AFAP1: variants seen among roughly 807,000 people sequenced by gnomAD.
AFAP1 encodes actin filament-associated protein 1.
Under a neutral mutation model 93.9 loss-of-function variants are expected in AFAP1, and 75 were observed. The ratio of observed to expected loss-of-function variants is 0.80; its 90% CI spans 0.66 to 0.97. AFAP1 has a LOEUF of 0.97. Among genes scored for constraint, AFAP1 ranks in the 50% least tolerant of loss-of-function variants. AFAP1 has a pLI of 0.00. For synonymous variants in AFAP1, 517 were observed against 430.7 expected, an observed-to-expected ratio of 1.20 and a Z score of -2.48; for missense variants, 1,201 against 1,050.8, an observed-to-expected ratio of 1.14 and a Z score of -1.98.
intron 8 of AFAP1, among the ~76,000 whole-genome samples, chr4:7,812,882 C>A (rs1025688286): frequency 9.2e-5 from 14 of 152,284 alleles, no homozygotes; most frequent in Non-Finnish European, 1.6e-4. Flanking sequence ...CCAACAGACA[C>A]ATTCACAAAT....
intron 3 of AFAP1, among the ~76,000 whole-genome samples, chr4:7,863,842 G>A (rs994267037): frequency 2.6e-5 from 4 of 152,204 alleles, no homozygotes; most frequent in African/African-American, 9.7e-5. Flanking sequence ...CCACAAAAGA[G>A]GTAAAAATAA....
In AFAP1 at chr4:7,816,105, A is replaced by G. The variant is rs766242443; in HGVS notation, c.823-6T>C. Reference sequence around the variant, plus strand: ...GGTCTCTCTGAAGACAGTTTCTGTAAGGAGAAAAAGATTAAGTTATTCTTA... The same window carrying G: ...GGTCTCTCTGAAGACAGTTTCTGTAGGGAGAAAAAGATTAAGTTATTCTTA... On this transcript the variant is annotated splice_polypyrimidine_tract_variant and splice_region_variant and intron_variant, in intron 7 of 17. Coordinates refer to ENST00000420658, the MANE Select transcript of AFAP1 (RefSeq NM_001134647.2). 3 of 1,607,798 alleles carry G rather than the reference A, an allele frequency of 1.9e-6. No homozygotes were observed. The African/African-American group carries it at 4.0e-5, about 22-fold the overall frequency.
intron 11 of AFAP1, among the ~76,000 whole-genome samples, chr4:7,787,686 G>C (rs1242337637): frequency 6.6e-6 from 1 of 152,174 alleles, no homozygotes; most frequent in Non-Finnish European, 1.5e-5. Context: ...TGTGGTGAGG[G>C]AACGGCTCAC....
chr4:7,874,662 C>T (rs1294785679), intron 1 of AFAP1, among the ~76,000 whole-genome samples: 1 of 147,740 alleles, frequency 6.8e-6, no homozygotes, highest in African/African-American at 2.5e-5. Context: ...GGATTACAGG[C>T]ATGAGCCACC....
intron 17 of AFAP1, among the ~76,000 whole-genome samples, chr4:7,765,212 C>G (rs62291982): frequency 0.22 from 33,125 of 152,098 alleles, 4,673 homozygotes; most frequent in Non-Finnish European, 0.32. Flanking sequence ...GGCCTCCCAT[C>G]TCCACTCTGC....
intron 6 of AFAP1, among the ~76,000 whole-genome samples, chr4:7,823,320 A>G (rs1420746191): frequency 6.6e-6 from 1 of 152,238 alleles, no homozygotes; most frequent in African/African-American, 2.4e-5. Flanking sequence ...AAAAAAAAGA[A>G]GGAAAGAAAA....
chr4:7,812,764 C>T (rs937953138), intron 8 of AFAP1, among the ~76,000 whole-genome samples: 6 of 152,128 alleles, frequency 3.9e-5, no homozygotes, highest in African/African-American at 4.8e-5. Flanking sequence ...TCCCAGTAAC[C>T]GACGGAAACG....
At chr4:7,915,546 G>A (rs147005632) in intron 1 of AFAP1, among the ~76,000 whole-genome samples, 42 of 152,230 alleles carry the variant, frequency 2.8e-4, no homozygotes, top group African/African-American at 9.9e-4. Flanking sequence ...ACCTCCAAAA[G>A]TTAAGAGCCC....
At chr4:7,911,554 C>T (rs574705124) in intron 1 of AFAP1, among the ~76,000 whole-genome samples, 138 of 152,318 alleles carry the variant, frequency 9.1e-4, no homozygotes, top group African/African-American at 3.2e-3. Context: ...GCCCCTCATC[C>T]GCTCCTCCCA....
intron 4 of AFAP1, 68 bp downstream of exon 4, chr4:7,855,398 G>A (rs1230781573): frequency 1.6e-6 from 2 of 1,261,926 alleles, no homozygotes; most frequent in East Asian, 4.7e-5. Context: ...TACCCAGAAA[G>A]GGGACAGGCT....
rs550438208 is a variant in AFAP1, at chr4:7,895,978, A to G, written c.-2-23898T>C. The stretch of plus-strand genomic sequence containing the variant: ...CACGTTGAAGCGATTCTCCTGCCTC[A>G]GCCTCCTGAGCAGCTGGTATTACAG... On this transcript the variant is annotated intron_variant, in intron 1 of 17. Coordinates refer to ENST00000420658, the MANE Select transcript of AFAP1 (RefSeq NM_001134647.2). Among the ~76,000 whole-genome samples, 3 of 149,946 alleles carry G rather than the reference A, an allele frequency of 2.0e-5. No homozygotes were observed. The East Asian group carries it at 5.9e-4, about 30-fold the overall frequency.
intron 6 of AFAP1, 28 bp downstream of exon 6, chr4:7,838,496 T>A: frequency 1.3e-6 from 2 of 1,585,674 alleles, no homozygotes; most frequent in Non-Finnish European, 1.7e-6. Flanking sequence ...GGAACTGAAA[T>A]GGCTGTGAAA....
chr4:7,861,629 C>T (rs1715701623), intron 3 of AFAP1, among the ~76,000 whole-genome samples: 3 of 152,322 alleles, frequency 2.0e-5, no homozygotes, highest in South Asian at 4.1e-4. Context: ...TCTCCCCTCC[C>T]TTTTCCATCA....
intron 10 of AFAP1, among the ~76,000 whole-genome samples, chr4:7,794,402 G>C (rs549769487): frequency 6.6e-6 from 1 of 152,138 alleles, no homozygotes; most frequent in Non-Finnish European, 1.5e-5. Flanking sequence ...TAATCACTGG[G>C]CTGCTTTAGG....
At chr4:7,772,545 G>A (rs1715581004) in intron 16 of AFAP1, 2 of 369,264 alleles carry the variant, frequency 5.4e-6, no homozygotes, top group Non-Finnish European at 9.7e-6. Flanking sequence ...ACGAGGACTG[G>A]ATCTGTTCTA....
At position 7,786,382 on chromosome 4, in the gene AFAP1, G is replaced by C. The variant is rs926660447; in HGVS notation, c.1413-71C>G. On this transcript the variant is annotated intron_variant, in intron 11 of 17. Transcript: ENST00000420658. Reference sequence around the variant, plus strand: ...TACTCCAATCAGTCAAGTCTTTAATGAGTTCTGACTTTATGCCCAAGGCTA... The same window carrying C: ...TACTCCAATCAGTCAAGTCTTTAATCAGTTCTGACTTTATGCCCAAGGCTA... 4.6e-6 allele frequency: 6 copies of C among 1,294,192 alleles called. No homozygotes were observed. In the African/African-American group the frequency reaches 8.8e-5, roughly 19 times the overall value. The allele number at this position is 1,294,192 out of a possible 1,614,324, so 80.2% of individuals were successfully genotyped here. A position where few individuals can be genotyped will look rare whatever the true frequency, so the allele number is the denominator to read the frequency against.
chr4:7,856,991 A>T (rs1480366209), intron 3 of AFAP1, among the ~76,000 whole-genome samples: 3 of 152,236 alleles, frequency 2.0e-5, no homozygotes, highest in Non-Finnish European at 4.4e-5. Flanking sequence ...ATCAGACACT[A>T]GTAACTGCCA....
chr4:7,807,417 C>A (rs534926806), intron 9 of AFAP1, among the ~76,000 whole-genome samples: 4 of 152,198 alleles, frequency 2.6e-5, no homozygotes, highest in Non-Finnish European at 2.9e-5. Context: ...ATTCACCCTC[C>A]CCATTCCGTG....
chr4:7,808,627 T>C (rs61166235), intron 9 of AFAP1, among the ~76,000 whole-genome samples: 21,365 of 152,158 alleles, frequency 0.14, 1,793 homozygotes, highest in East Asian at 0.28. Flanking sequence ...CGGTCATTGG[T>C]ATAGTTTGGA....
Sources: gnomAD v4.1 joint callset for allele counts (sites outside exome capture counted in the v4.1 genomes callset) on GRCh38, gnomAD v4.1.1 for gene constraint, MANE v1.5 for transcripts, NCBI Gene and HGNC (gene_info 2026-07-23, HGNC 2026-07-21) for gene names.